Variants in MBOAT1 observed in about 807,000 individuals in gnomAD.
MBOAT1 encodes membrane-bound glycerophospholipid O-acyltransferase 1.
MBOAT1 carries 67 observed loss-of-function variants against 64.4 expected under a neutral mutation model. That is an observed-to-expected ratio of 1.04 (90% CI 0.85 to 1.27). The LOEUF (loss-of-function observed/expected upper bound fraction) is 1.27. Ranked by LOEUF, MBOAT1 falls within the 50% of genes most tolerant of loss-of-function variation. MBOAT1 has a pLI of 0.00. For missense variants in MBOAT1, 563 were observed against 604.6 expected (o/e 0.93, Z 0.72); for synonymous variants, 229 against 218.9 (o/e 1.05, Z -0.41).
intron 1 of MBOAT1, among the ~76,000 whole-genome samples, chr6:20,186,832 T>C (rs999699523): frequency 6.6e-6 from 1 of 152,042 alleles, no homozygotes; most frequent in Non-Finnish European, 1.5e-5. Flanking sequence ...CAGTGATCAA[T>C]TTCTAGTTAA....
chr6:20,143,072 C>A (rs932610337), intron 4 of MBOAT1, among the ~76,000 whole-genome samples: 1 of 152,210 alleles, frequency 6.6e-6, no homozygotes, highest in African/African-American at 2.4e-5. Context: ...TAGTTGCCAA[C>A]AACTCACTGA....
intron 1 of MBOAT1, among the ~76,000 whole-genome samples, chr6:20,202,980 T>C: frequency 6.6e-6 from 1 of 152,208 alleles, no homozygotes; most frequent in Non-Finnish European, 1.5e-5. Context: ...TCTCTTTAGA[T>C]ATAATCTTTT....
intron 4 of MBOAT1, among the ~76,000 whole-genome samples, chr6:20,143,161 G>A (rs1008296343): frequency 3.9e-5 from 6 of 152,274 alleles, no homozygotes; most frequent in South Asian, 2.1e-4. Context: ...CTAAACTCCC[G>A]GGAAGTAACG....
chr6:20,136,492 CTT>C (rs1227606398), intron 4 of MBOAT1, among the ~76,000 whole-genome samples: 1 of 152,188 alleles, frequency 6.6e-6, no homozygotes, highest in Non-Finnish European at 1.5e-5. Context: ...CTTGAAATCT[CTT>C]TGCAAATATC....
chr6:20,135,204 T>C (rs904483899), intron 4 of MBOAT1, among the ~76,000 whole-genome samples: 3 of 152,180 alleles, frequency 2.0e-5, no homozygotes, highest in African/African-American at 7.2e-5. Context: ...TATTGTCCTA[T>C]ACATTTTTTT....
At chr6:20,190,445 C>T (rs2113755148) in intron 1 of MBOAT1, among the ~76,000 whole-genome samples, 1 of 152,284 alleles carries the variant, frequency 6.6e-6, no homozygotes, top group South Asian at 2.1e-4. Context: ...TAATGACTGC[C>T]ATTTCAGAAC....
chr6:20,120,799 C>A (rs897239730), intron 8 of MBOAT1, among the ~76,000 whole-genome samples: 1 of 152,212 alleles, frequency 6.6e-6, no homozygotes, highest in African/African-American at 2.4e-5. Flanking sequence ...CAACTACTGA[C>A]TCTCAGAACC....
intron 12 of MBOAT1, among the ~76,000 whole-genome samples, chr6:20,103,745 A>G (rs897854599): frequency 1.3e-5 from 2 of 152,348 alleles, no homozygotes; most frequent in Admixed American, 6.5e-5. Context: ...TGTTTTAACC[A>G]AAGTGTTTTA....
At chr6:20,125,435 A>G (rs1441939931) in intron 7 of MBOAT1, among the ~76,000 whole-genome samples, 2 of 152,222 alleles carry the variant, frequency 1.3e-5, no homozygotes, top group Non-Finnish European at 2.9e-5. Context: ...GCACCAGCTC[A>G]TGGATCCCAG....
chr6:20,102,707 G>A (rs1352863181), intron 12 of MBOAT1, among the ~76,000 whole-genome samples: 2 of 152,044 alleles, frequency 1.3e-5, no homozygotes, highest in African/African-American at 2.4e-5. Context: ...TTAACCCCAC[G>A]ACAGCCAGAC....
chr6:20,142,151 T>C (rs533558009), intron 4 of MBOAT1, among the ~76,000 whole-genome samples: 32 of 152,110 alleles, frequency 2.1e-4, no homozygotes, highest in Non-Finnish European at 4.3e-4. Flanking sequence ...TTGTTTAATA[T>C]CCCAACCAAT....
chr6:20,152,246 G>A (rs565661316), intron 2 of MBOAT1, among the ~76,000 whole-genome samples: 118 of 152,030 alleles, frequency 7.8e-4, no homozygotes, highest in Non-Finnish European at 1.1e-3. Flanking sequence ...AGAATCACTT[G>A]AACCCAGGAG....
At chr6:20,124,879 C>T (rs925333382) in intron 7 of MBOAT1, among the ~76,000 whole-genome samples, 1 of 152,156 alleles carries the variant, frequency 6.6e-6, no homozygotes, top group Non-Finnish European at 1.5e-5. Flanking sequence ...AATGTAAGTA[C>T]TTATATTATC....
intron 1 of MBOAT1, among the ~76,000 whole-genome samples, chr6:20,181,209 G>A (rs749914593): frequency 3.3e-5 from 5 of 152,212 alleles, no homozygotes; most frequent in Non-Finnish European, 5.9e-5. Flanking sequence ...GTGACTCCCC[G>A]CTCCCCAGGT....
chr6:20,136,618 A>T (rs985464622), intron 4 of MBOAT1, among the ~76,000 whole-genome samples: 2 of 152,214 alleles, frequency 1.3e-5, no homozygotes, highest in African/African-American at 2.4e-5. Flanking sequence ...GAACAATAGG[A>T]CAAATGATCT....
chr6:20,102,218 C>A lies in MBOAT1; in HGVS notation c.*68G>T. The A allele has an allele frequency of 6.4e-7, 1 of 1,553,770 alleles. No individual in the cohort carries two copies. The highest frequency in any genetic ancestry group is 8.7e-7 in the Non-Finnish European group (1 of 1,146,086). On this transcript the variant is annotated 3_prime_UTR_variant, in exon 13 of 13. Coordinates refer to ENST00000324607, the MANE Select transcript of MBOAT1 (RefSeq NM_001080480.3). Reference sequence around the variant, plus strand: ...TCGCCTCTAAGCCACCGGAGGAGCCCTTGAAGCCTTGTCATCTCATCTTTC... The same window carrying A: ...TCGCCTCTAAGCCACCGGAGGAGCCATTGAAGCCTTGTCATCTCATCTTTC...
chr6:20,182,778 C>G (rs557717328), intron 1 of MBOAT1, among the ~76,000 whole-genome samples: 1 of 152,170 alleles, frequency 6.6e-6, no homozygotes, highest in Non-Finnish European at 1.5e-5. Flanking sequence ...AACTCAGGTC[C>G]ATATCGACAC....
intron 3 of MBOAT1, 78 bp downstream of exon 3, chr6:20,151,107 C>A: frequency 6.4e-6 from 7 of 1,090,074 alleles, no homozygotes; most frequent in Non-Finnish European, 9.7e-6. Context: ...TAAGGTCCAT[C>A]TTTACACTGG....
At chr6:20,167,881 T>C (rs1762057236) in intron 1 of MBOAT1, among the ~76,000 whole-genome samples, 1 of 152,196 alleles carries the variant, frequency 6.6e-6, no homozygotes, top group Non-Finnish European at 1.5e-5. Flanking sequence ...ATTATTAGTA[T>C]CTCTTTTGTT....
Sources: allele counts gnomAD v4.1 joint callset (sites outside exome capture counted in the v4.1 genomes callset), GRCh38; gene constraint gnomAD v4.1.1; transcripts MANE v1.5; gene names NCBI Gene and HGNC (gene_info 2026-07-23, HGNC 2026-07-21).